Variants in GPR160 observed in about 807,000 individuals in gnomAD.
GPR160 encodes the protein G protein-coupled receptor 160.
Under a neutral mutation model 2.6 loss-of-function variants are expected in GPR160, and 2 were observed. That is an observed-to-expected ratio of 0.77 (90% CI 0.32 to 2.44). The LOEUF (loss-of-function observed/expected upper bound fraction) is 2.44, where lower values mean the gene tolerates loss of function less well. GPR160 is among the 30% of genes most tolerant of loss of function. The pLI is 0.11. For synonymous variants in GPR160, 130 were observed against 132.2 expected, an observed-to-expected ratio of 0.98 and a Z score of 0.12; for missense variants, 351 against 383.6, an observed-to-expected ratio of 0.91 and a Z score of 0.71.
chr3:170,072,628 G>A (rs1300853916), intron 2 of GPR160, among the ~76,000 whole-genome samples: 1 of 152,104 alleles, frequency 6.6e-6, no homozygotes, highest in Non-Finnish European at 1.5e-5. Flanking sequence ...GAGCAGGTGT[G>A]TCACATGGTG....
intron 2 of GPR160, among the ~76,000 whole-genome samples, chr3:170,053,029 T>G (rs1717025971): frequency 1.3e-5 from 2 of 152,206 alleles, no homozygotes; most frequent in Admixed American, 1.3e-4. Context: ...TGGTTTGAAC[T>G]CTTAAGCTCA....
intron 2 of GPR160, among the ~76,000 whole-genome samples, chr3:170,075,051 A>G (rs1375971009): frequency 1.3e-5 from 2 of 151,910 alleles, no homozygotes; most frequent in Non-Finnish European, 2.9e-5. Context: ...CATGGTGGAA[A>G]CCCCATCTCT....
chr3:170,062,806 T>G, intron 2 of GPR160: 1 of 643,160 alleles, frequency 1.6e-6, no homozygotes, highest in Non-Finnish European at 2.8e-6. Flanking sequence ...AGGGAAAGAA[T>G]AGATGAATTG....
intron 2 of GPR160, among the ~76,000 whole-genome samples, chr3:170,052,586 G>C (rs371626988): frequency 6.6e-6 from 1 of 152,128 alleles, no homozygotes; most frequent in East Asian, 1.9e-4. Context: ...TTGACTTTTT[G>C]TTATTCATTT....
At chr3:170,051,504 C>A (rs1421902052) in intron 2 of GPR160, among the ~76,000 whole-genome samples, 1 of 152,174 alleles carries the variant, frequency 6.6e-6, no homozygotes, top group Non-Finnish European at 1.5e-5. Flanking sequence ...GCCAGCAGAT[C>A]ACCTGAGATC....
intron 2 of GPR160, among the ~76,000 whole-genome samples, chr3:170,075,926 A>G (rs1712828084): frequency 1.3e-5 from 2 of 152,218 alleles, no homozygotes; most frequent in African/African-American, 2.4e-5. Context: ...CAGATCACTG[A>G]TAATTCTTGG....
intron 2 of GPR160, among the ~76,000 whole-genome samples, chr3:170,059,030 AACACACACACAC>A (rs10542909): frequency 7.5e-4 from 111 of 148,900 alleles, no homozygotes; most frequent in African/African-American, 2.0e-3. Flanking sequence ...CACATGCACA[AACACACACACAC>A]ACACACACAC....
At chr3:170,072,681 T>G (rs1342622975) in intron 2 of GPR160, among the ~76,000 whole-genome samples, 1 of 152,036 alleles carries the variant, frequency 6.6e-6, no homozygotes. Context: ...CCAGACTCTT[T>G]TTAACCAGCC....
intron 2 of GPR160, among the ~76,000 whole-genome samples, chr3:170,065,141 A>G (rs1221727563): frequency 6.6e-6 from 1 of 152,222 alleles, no homozygotes; most frequent in African/African-American, 2.4e-5. Context: ...TAAAGTTGAA[A>G]CAAAAATTAT....
At chr3:170,082,795 A>G (rs1713200813) in intron 3 of GPR160, among the ~76,000 whole-genome samples, 1 of 147,908 alleles carries the variant, frequency 6.8e-6, no homozygotes, top group Admixed American at 6.8e-5. Flanking sequence ...GCAGCTCCCT[A>G]TGTTGCTCAG....
At chr3:170,051,300 T>G (rs1457198471) in intron 2 of GPR160, among the ~76,000 whole-genome samples, 4 of 152,324 alleles carry the variant, frequency 2.6e-5, no homozygotes, top group African/African-American at 9.6e-5. Flanking sequence ...TCAATATAGA[T>G]CTATATCATC....
intron 2 of GPR160, among the ~76,000 whole-genome samples, chr3:170,066,301 C>A (rs990737002): frequency 6.6e-6 from 1 of 151,610 alleles, no homozygotes; most frequent in Non-Finnish European, 1.5e-5. Context: ...TCACCACGCC[C>A]GGCTAATTTT....
At chr3:170,062,590 A>C in intron 2 of GPR160, 1 of 1,161,156 alleles carries the variant, frequency 8.6e-7, no homozygotes, top group South Asian at 1.3e-5. Flanking sequence ...TTCCAAACCA[A>C]AAATGTGAAG....
chr3:170,080,789 CT>C (rs1173285748), intron 3 of GPR160, among the ~76,000 whole-genome samples: 1 of 152,170 alleles, frequency 6.6e-6, no homozygotes, highest in Non-Finnish European at 1.5e-5. Flanking sequence ...CAGCCTTGAC[CT>C]CCTGGGCTTA....
chr3:170,076,091 C>A (rs1712835228), intron 2 of GPR160, among the ~76,000 whole-genome samples: 1 of 152,034 alleles, frequency 6.6e-6, no homozygotes, highest in Non-Finnish European at 1.5e-5. Context: ...GAAATATATA[C>A]AAATAACTGG....
At chr3:170,045,090 G>A (rs1014076551) in intron 2 of GPR160, among the ~76,000 whole-genome samples, 5 of 151,942 alleles carry the variant, frequency 3.3e-5, no homozygotes, top group Non-Finnish European at 7.4e-5. Flanking sequence ...TCCCATGTAC[G>A]TGTGCCGTGG....
In GPR160 at chr3:170,085,331, T is replaced by C. The variant is rs1237628288; in HGVS notation, c.*342T>C. On this transcript the variant is annotated 3_prime_UTR_variant, in exon 4 of 4. Coordinates refer to ENST00000355897, the MANE Select transcript of GPR160 (RefSeq NM_014373.3). ...TGCAAACTGTTATGTAAATCTGAGA[T>C]TTCACTGACAACTTTAAGATATCAA... 1 of 176,052 alleles carries C rather than the reference T, an allele frequency of 5.7e-6. No homozygotes were observed. Among genetic ancestry groups the C allele is most frequent in the Non-Finnish European group, 1.3e-5 (1 of 74,506 alleles). The allele number at this position is 176,052 out of a possible 1,614,324, so 10.9% of individuals were successfully genotyped here.
intron 2 of GPR160, among the ~76,000 whole-genome samples, chr3:170,057,149 A>G (rs1160723297): frequency 6.6e-6 from 1 of 152,230 alleles, no homozygotes; most frequent in Admixed American, 6.5e-5. Flanking sequence ...TAGTTATAAT[A>G]TAAAAAGGGT....
At chr3:170,039,278 A>C (rs1716341177) in intron 2 of GPR160, among the ~76,000 whole-genome samples, 1 of 152,220 alleles carries the variant, frequency 6.6e-6, no homozygotes, top group Non-Finnish European at 1.5e-5. Context: ...GGAAATTGTC[A>C]GTGAGGATCA....
Sources: gnomAD v4.1 joint callset for allele counts (sites outside exome capture counted in the v4.1 genomes callset) on GRCh38, gnomAD v4.1.1 for gene constraint, MANE v1.5 for transcripts, NCBI Gene and HGNC (gene_info 2026-07-23, HGNC 2026-07-21) for gene names.